ERBB4: variants seen among roughly 807,000 people sequenced by gnomAD.
ERBB4 encodes the protein erb-b2 receptor tyrosine kinase 4.
ERBB4 carries 42 observed loss-of-function variants against 158.0 expected under a neutral mutation model. That is an observed-to-expected ratio of 0.27 (90% CI 0.21 to 0.34). The LOEUF is 0.34. ERBB4 is among the 10% of genes least tolerant of loss of function. The pLI is 1.00. For synonymous variants in ERBB4, 583 were observed against 558.7 expected (o/e 1.04, Z -0.61); for missense variants, 1,333 against 1,624.1 (o/e 0.82, Z 3.08).
intron 2 of ERBB4, among the ~76,000 whole-genome samples, chr2:212,078,452 A>T (rs1278186050): frequency 6.6e-6 from 1 of 152,016 alleles, no homozygotes; most frequent in East Asian, 1.9e-4. Context: ...AAATAAGCTT[A>T]AATGCATATT....
intron 1 of ERBB4, among the ~76,000 whole-genome samples, chr2:212,501,771 C>CT (rs957836899): frequency 3.9e-5 from 6 of 152,038 alleles, no homozygotes; most frequent in Non-Finnish European, 5.9e-5. Flanking sequence ...ACTCTAGAGA[C>CT]TTGGTGATGA....
At chr2:211,748,534 G>A (rs929325674) in intron 5 of ERBB4, among the ~76,000 whole-genome samples, 9 of 152,138 alleles carry the variant, frequency 5.9e-5, no homozygotes, top group Non-Finnish European at 1.3e-4. Context: ...CCACCCCAGT[G>A]TTTCCCAAAT....
intron 2 of ERBB4, among the ~76,000 whole-genome samples, chr2:212,004,273 T>A (rs1033705099): frequency 6.6e-6 from 1 of 152,188 alleles, no homozygotes; most frequent in Non-Finnish European, 1.5e-5. Context: ...AGACATCAAG[T>A]TGACTCCCTC....
At chr2:212,234,034 G>A (rs1182570314) in intron 1 of ERBB4, among the ~76,000 whole-genome samples, 3 of 150,854 alleles carry the variant, frequency 2.0e-5, no homozygotes, top group Admixed American at 6.6e-5. Context: ...TGTGCAGAAC[G>A]CACAGGTTTG....
intron 2 of ERBB4, among the ~76,000 whole-genome samples, chr2:212,053,712 C>T (rs558364875): frequency 2.0e-4 from 31 of 152,282 alleles, no homozygotes; most frequent in African/African-American, 7.5e-4. Flanking sequence ...TTCTTTGTCT[C>T]TGTTAGCTCC....
At chr2:211,578,358 C>T (rs1306346072) in intron 19 of ERBB4, among the ~76,000 whole-genome samples, 3 of 152,214 alleles carry the variant, frequency 2.0e-5, no homozygotes, top group Middle Eastern at 3.4e-3. Context: ...GAATTAATAT[C>T]GTGAAAATGG....
chr2:211,646,584 T>G (rs1258802923), intron 16 of ERBB4, among the ~76,000 whole-genome samples: 3 of 151,828 alleles, frequency 2.0e-5, no homozygotes, highest in East Asian at 1.9e-4. Flanking sequence ...TATTTCATGA[T>G]GTACTGATTT....
intron 1 of ERBB4, among the ~76,000 whole-genome samples, chr2:212,383,928 T>G: frequency 6.6e-6 from 1 of 151,538 alleles, no homozygotes; most frequent in South Asian, 2.2e-4. Context: ...ACACAGTGCA[T>G]TACCCATTGT....
intron 1 of ERBB4, among the ~76,000 whole-genome samples, chr2:212,127,866 C>T (rs958685890): frequency 2.0e-5 from 3 of 152,064 alleles, no homozygotes; most frequent in African/African-American, 7.2e-5. Flanking sequence ...TAGAGAGTGG[C>T]AAGGAAGAAT....
intron 2 of ERBB4, among the ~76,000 whole-genome samples, chr2:211,965,356 A>G (rs1427080525): frequency 3.3e-5 from 5 of 152,244 alleles, no homozygotes; most frequent in Admixed American, 3.3e-4. Context: ...TTAATAAAAC[A>G]TGAATGTAAA....
At chr2:212,236,887 A>G (rs969240915) in intron 1 of ERBB4, among the ~76,000 whole-genome samples, 1 of 151,968 alleles carries the variant, frequency 6.6e-6, no homozygotes, top group African/African-American at 2.4e-5. Flanking sequence ...CTAGCAGTCT[A>G]TCTATTTTGT....
intron 1 of ERBB4, among the ~76,000 whole-genome samples, chr2:212,372,268 A>C (rs909669678): frequency 6.6e-6 from 1 of 152,148 alleles, no homozygotes; most frequent in Non-Finnish European, 1.5e-5. Context: ...ATGGATGCAA[A>C]TTGAATTTAA....
intron 3 of ERBB4, among the ~76,000 whole-genome samples, chr2:211,804,404 G>T (rs1266463235): frequency 6.6e-6 from 1 of 152,110 alleles, no homozygotes; most frequent in African/African-American, 2.4e-5. Flanking sequence ...TTTTCAACCT[G>T]CTTATTTCAT....
Position 211,991,723 on chromosome 2 carries a change from T to C in ERBB4, c.235-44107A>G, listed in dbSNP as rs140824681. Among the ~76,000 whole-genome samples the C allele has an allele frequency of 2.6e-3, 392 of 152,192 alleles. 4 individuals carry two copies. The highest frequency in any genetic ancestry group is 9.0e-3 in the African/African-American group (375 of 41,522). On this transcript the variant is annotated intron_variant, in intron 2 of 27. Transcript: ENST00000342788. ...ATTTAGGCTTATCCCATTGTTTGAA[T>C]AGGAATGAGACTAAGATAAATGAAC...
chr2:211,668,351 C>T (rs2071706935), intron 14 of ERBB4, among the ~76,000 whole-genome samples: 1 of 152,102 alleles, frequency 6.6e-6, no homozygotes, highest in South Asian at 2.1e-4. Flanking sequence ...TACTGATTCC[C>T]CATCTCATTT....
chr2:212,211,712 C>G lies in ERBB4; in HGVS notation c.83-86809G>C, dbSNP rs1306530034. Among the ~76,000 whole-genome samples the G allele has an allele frequency of 4.6e-5, 7 of 151,586 alleles. No individual in the cohort carries two copies. In the East Asian group the frequency reaches 1.2e-3, roughly 25 times the overall value. The stretch of plus-strand genomic sequence containing the variant: ...TTTGCTGCACCTATTGACCCATCCT[C>G]TAAGTTCCCTCCCCTCCCCACTCAT... On this transcript the variant is annotated intron_variant, in intron 1 of 27. Transcript: ENST00000342788.
In ERBB4 at chr2:211,702,061, G is replaced by T. The variant is rs200755699; in HGVS notation, c.1395C>A (p.Asn465Lys). The part of the protein sequence containing the change: ...AGNIYITDNS[N>K]LCYYHTINWT... ...AGTTAATGGTATGATAATAACACAG[G>T]TTGCTGTTGTCAGTAATATAGATGT... Residue 465 changes from asparagine to lysine, a missense_variant, in exon 12 of 28, where the codon AAC becomes AAA. Physicochemically the swap from Asn to Lys is moderately conservative, Grantham distance 94. This residue lies in a region of ERBB4 where 438 missense variants were observed against 586.9 expected (regional missense o/e 0.75). Coordinates refer to ENST00000342788, the MANE Select transcript of ERBB4 (RefSeq NM_005235.3). The T allele has an allele frequency of 1.7e-4, 270 of 1,613,576 alleles. 1 individual carries two copies. The highest frequency in any genetic ancestry group is 2.1e-4 in the Non-Finnish European group (249 of 1,179,560).
intron 1 of ERBB4, among the ~76,000 whole-genome samples, chr2:212,334,911 C>T (rs1284697873): frequency 6.6e-6 from 1 of 151,834 alleles, no homozygotes; most frequent in Non-Finnish European, 1.5e-5. Flanking sequence ...TTTCAGTGCT[C>T]ATATTTCATA....
chr2:211,421,248 GA>G (rs1344526700), intron 24 of ERBB4, among the ~76,000 whole-genome samples: 1 of 151,688 alleles, frequency 6.6e-6, no homozygotes, highest in Non-Finnish European at 1.5e-5. Flanking sequence ...TAATTTTGGG[GA>G]AAAAATAAAT....
Sources: allele counts gnomAD v4.1 joint callset (sites outside exome capture counted in the v4.1 genomes callset), GRCh38; gene constraint gnomAD v4.1.1; regional missense constraint gnomAD v4.1.1; transcripts MANE v1.5; gene names NCBI Gene and HGNC (gene_info 2026-07-23, HGNC 2026-07-21).